EAPP: variants seen among roughly 807,000 people sequenced by gnomAD.
The protein encoded by EAPP is E2F-associated phosphoprotein.
In EAPP, 38 loss-of-function variants were observed where a neutral mutation model predicts 34.3. The ratio of observed to expected loss-of-function variants is 1.11; its 90% CI spans 0.85 to 1.45. EAPP has a LOEUF of 1.45. Ranked by LOEUF, EAPP falls within the 40% of genes most tolerant of loss-of-function variation. The probability of loss-of-function intolerance (pLI) is 0.00; values close to 1 mark genes in which losing one functional copy is unlikely to be tolerated. For missense variants in EAPP, 338 were observed against 343.7 expected (o/e 0.98, Z 0.13); for synonymous variants, 113 against 117.6 (o/e 0.96, Z 0.25).
At chr14:34,529,244 T>G in intron 4 of EAPP, 114 bp downstream of exon 4, 1 of 659,276 alleles carries the variant, frequency 1.5e-6, no homozygotes. Flanking sequence ...CTTTTTTGTT[T>G]GTGTGTGTGT....
chr14:34,537,400 A>AT (rs1195339168), intron 1 of EAPP, among the ~76,000 whole-genome samples: 2 of 152,288 alleles, frequency 1.3e-5, no homozygotes, highest in East Asian at 1.9e-4. Context: ...AGTGAGAGCT[A>AT]TTTTTTCTAC....
chr14:34,539,695 A>T lies in EAPP; in HGVS notation c.-67T>A, dbSNP rs531856471. On this transcript the variant is annotated 5_prime_UTR_variant, in exon 1 of 6. Coordinates refer to ENST00000250454, the MANE Select transcript of EAPP (RefSeq NM_018453.4). ...GCGTCTCTGTTTACACTGCAAGTCC[A>T]GTCCCTAAAGCGCCCCTGACGCCAC... 121 of 1,437,220 alleles carry T rather than the reference A, an allele frequency of 8.4e-5. 2 individuals carry two copies. The South Asian group carries it at 1.7e-3, about 20-fold the overall frequency. 89.0% of individuals were successfully genotyped at this position (1,437,220 alleles called of 1,614,324 possible). A position where few individuals can be genotyped will look rare whatever the true frequency, so the allele number is the denominator to read the frequency against.
At chr14:34,527,517 A>C (rs1880135824) in intron 4 of EAPP, among the ~76,000 whole-genome samples, 1 of 152,178 alleles carries the variant, frequency 6.6e-6, no homozygotes, top group Non-Finnish European at 1.5e-5. Context: ...CATCTCTTAA[A>C]AAAAGGTGGG....
At chr14:34,522,230 G>A (rs558527083) in intron 5 of EAPP, among the ~76,000 whole-genome samples, 2 of 152,226 alleles carry the variant, frequency 1.3e-5, no homozygotes, top group Non-Finnish European at 2.9e-5. Flanking sequence ...AAAGTAGTGG[G>A]ATTACAGGTA....
chr14:34,525,944 C>G (rs1014101200), intron 4 of EAPP, among the ~76,000 whole-genome samples: 1 of 151,850 alleles, frequency 6.6e-6, no homozygotes, highest in African/African-American at 2.4e-5. Context: ...CGGTTGAACC[C>G]AGGAGACGGA....
At chr14:34,520,703 G>A (rs950343749) in intron 5 of EAPP, among the ~76,000 whole-genome samples, 2 of 150,632 alleles carry the variant, frequency 1.3e-5, no homozygotes, top group Admixed American at 6.6e-5. Flanking sequence ...GGGTTTCACC[G>A]TGTTGGCCAG....
At chr14:34,536,317 A>T (rs764482656) in intron 1 of EAPP, 42 bp from the exon 2 acceptor site, 1 of 1,462,940 alleles carries the variant, frequency 6.8e-7, no homozygotes, top group South Asian at 1.3e-5. Context: ...ATATTTAAAA[A>T]TTAAAATAAT....
At chr14:34,525,055 G>T (rs150093801) in intron 4 of EAPP, among the ~76,000 whole-genome samples, 144 of 152,212 alleles carry the variant, frequency 9.5e-4, no homozygotes, top group Middle Eastern at 3.4e-3. Flanking sequence ...GTCACCAACT[G>T]CCAAAGCTGA....
At chr14:34,529,588 G>T in intron 3 of EAPP, 113 bp from the exon 4 acceptor site, 1 of 870,838 alleles carries the variant, frequency 1.1e-6, no homozygotes, top group Non-Finnish European at 1.8e-6. Context: ...TCCCTAAAAA[G>T]TTAAAAAAGG....
rs567655892 is a variant in EAPP, at chr14:34,539,281, TAG to T, written c.74+272_74+273del. ...CTTCCGTCACTCTGCTACTAAGGTG[TAG>T]AGACAGGTTTCGATCTCATTGCTTT... On this transcript the variant is annotated intron_variant, in intron 1 of 5. Coordinates refer to ENST00000250454, the MANE Select transcript of EAPP (RefSeq NM_018453.4). The T allele has an allele frequency of 3.9e-4, 252 of 643,726 alleles. 1 individual carries two copies. The highest frequency in any genetic ancestry group is 3.9e-3 in the African/African-American group (219 of 56,232). 39.9% of individuals were successfully genotyped at this position (643,726 alleles called of 1,614,324 possible). A position where few individuals can be genotyped will look rare whatever the true frequency, so the allele number is the denominator to read the frequency against.
At position 34,539,638 on chromosome 14, in the gene EAPP, C is replaced by A. The variant is rs1252328751; in HGVS notation, c.-10G>T. The A allele has an allele frequency of 6.4e-7, 1 of 1,559,744 alleles. No homozygotes were observed. The highest frequency in any genetic ancestry group is 8.7e-7 in the Non-Finnish European group (1 of 1,152,330). On this transcript the variant is annotated 5_prime_UTR_variant, in exon 1 of 6. Transcript: ENST00000250454. ...CCGGAAGCCGGTTCATGGTGGCCTGCAGCGGCCTACACCGTCCACAAGCAA... is the reference window on the plus strand; with the variant it reads ...CCGGAAGCCGGTTCATGGTGGCCTGAAGCGGCCTACACCGTCCACAAGCAA...
intron 5 of EAPP, among the ~76,000 whole-genome samples, chr14:34,524,444 C>T (rs557364655): frequency 1.3e-5 from 2 of 151,744 alleles, no homozygotes; most frequent in Non-Finnish European, 2.9e-5. Flanking sequence ...AGATCTAGAT[C>T]TAGATCTAGA....
At chr14:34,522,217 C>A (rs538934523) in intron 5 of EAPP, among the ~76,000 whole-genome samples, 264 of 152,212 alleles carry the variant, frequency 1.7e-3, no homozygotes, top group African/African-American at 6.1e-3. Context: ...AGCTTGGCCT[C>A]CCAAAGTAGT....
intron 2 of EAPP, among the ~76,000 whole-genome samples, chr14:34,534,401 G>A (rs1006454081): frequency 6.6e-6 from 1 of 152,032 alleles, no homozygotes; most frequent in Admixed American, 6.6e-5. Context: ...CAAAGTGCTG[G>A]GATTACAGGC....
At position 34,517,268 on chromosome 14, in the gene EAPP, G is replaced by A. The variant is rs1481690182; in HGVS notation, c.582-682C>T. On this transcript the variant is annotated intron_variant, in intron 5 of 5. Coordinates refer to ENST00000250454, the MANE Select transcript of EAPP (RefSeq NM_018453.4). ...TATTTCTTTTTTTTTTTTTTTTTGA[G>A]ATGGGGTTTCACTCTTGTTGTCCAG... Among the ~76,000 whole-genome samples the A allele has an allele frequency of 3.9e-5, 5 of 129,854 alleles. No individual in the cohort carries two copies. The East Asian group carries it at 1.2e-3, about 31-fold the overall frequency. 85.2% of individuals were successfully genotyped at this position (129,854 alleles called of 152,430 possible).
intron 2 of EAPP, 44 bp from the exon 3 acceptor site, chr14:34,533,583 A>C: frequency 7.5e-7 from 1 of 1,336,596 alleles, no homozygotes; most frequent in South Asian, 1.4e-5. Flanking sequence ...ATCATACATA[A>C]TTCACAAGGC....
At chr14:34,524,066 G>GC (rs1185444075) in intron 5 of EAPP, among the ~76,000 whole-genome samples, 1 of 151,664 alleles carries the variant, frequency 6.6e-6, no homozygotes, top group Non-Finnish European at 1.5e-5. Flanking sequence ...GACCAACCTG[G>GC]CCAACATGGT....
At chr14:34,539,307 T>C in intron 1 of EAPP, 1 of 673,570 alleles carries the variant, frequency 1.5e-6, no homozygotes. Flanking sequence ...TCTCATTGCT[T>C]TTGAAGATTT....
At chr14:34,519,512 G>A (rs1271418595) in intron 5 of EAPP, among the ~76,000 whole-genome samples, 2 of 151,004 alleles carry the variant, frequency 1.3e-5, no homozygotes, top group South Asian at 2.1e-4. Flanking sequence ...TCCAGCCTGG[G>A]TGACAAGCAA....
Sources: allele counts gnomAD v4.1 joint callset (sites outside exome capture counted in the v4.1 genomes callset), GRCh38; gene constraint gnomAD v4.1.1; transcripts MANE v1.5; gene names NCBI Gene and HGNC (gene_info 2026-07-23, HGNC 2026-07-21).